Variants in CTNNBL1 observed in about 807,000 individuals in gnomAD.
The protein encoded by CTNNBL1 is beta-catenin-like protein 1.
Under a neutral mutation model 72.7 loss-of-function variants are expected in CTNNBL1, and 31 were observed. The ratio of observed to expected loss-of-function variants is 0.43; its 90% CI spans 0.32 to 0.58. The LOEUF is 0.58. Ranked by LOEUF, CTNNBL1 falls within the 20% of genes least tolerant of loss-of-function variation. The pLI is 0.08. For missense variants in CTNNBL1, 534 were observed against 725.1 expected, an observed-to-expected ratio of 0.74 and a Z score of 3.03; for synonymous variants, 240 against 267.3, an observed-to-expected ratio of 0.90 and a Z score of 1.00.
chr20:37,763,368 C>A (rs2073435493), intron 5 of CTNNBL1, among the ~76,000 whole-genome samples: 1 of 152,178 alleles, frequency 6.6e-6, no homozygotes, highest in South Asian at 2.1e-4. Flanking sequence ...CAGCACTTTC[C>A]TGTATTTACA....
intron 14 of CTNNBL1, 77 bp from the exon 15 acceptor site, chr20:37,860,195 C>A (rs2072479849): frequency 6.8e-7 from 1 of 1,476,954 alleles, no homozygotes; most frequent in Non-Finnish European, 9.5e-7. Context: ...TGAAGTATAT[C>A]ATTTCAAGGT....
intron 1 of CTNNBL1, among the ~76,000 whole-genome samples, chr20:37,701,467 A>C (rs893930628): frequency 1.3e-5 from 2 of 152,232 alleles, no homozygotes; most frequent in Non-Finnish European, 2.9e-5. Context: ...GTAAGGAGCA[A>C]GACAGACATT....
chr20:37,807,002 C>T (rs981886561), intron 11 of CTNNBL1, among the ~76,000 whole-genome samples: 1 of 152,160 alleles, frequency 6.6e-6, no homozygotes, highest in African/African-American at 2.4e-5. Context: ...TTTGGTCCCT[C>T]AGATGATATC....
In CTNNBL1 at chr20:37,759,974, A is replaced by C. The variant is rs146993773; in HGVS notation, c.564+2318A>C. Among the ~76,000 whole-genome samples, 1,212 of 152,330 alleles carry C rather than the reference A, an allele frequency of 8.0e-3. 15 individuals are homozygous for C. Among genetic ancestry groups the C allele is most frequent in the Non-Finnish European group, 8.4e-3 (573 of 68,036 alleles). On this transcript the variant is annotated intron_variant, in intron 5 of 15. Transcript: ENST00000361383. ...GAATTTATTGTGGTGTGCAGTTTGCAGTTATTGCTTTGGTCTTTTTCCCAG... is the reference window on the plus strand; with the variant it reads ...GAATTTATTGTGGTGTGCAGTTTGCCGTTATTGCTTTGGTCTTTTTCCCAG...
At chr20:37,834,044 A>G (rs775075293) in intron 11 of CTNNBL1, among the ~76,000 whole-genome samples, 8 of 152,186 alleles carry the variant, frequency 5.3e-5, no homozygotes, top group Non-Finnish European at 1.2e-4. Context: ...CCAAATAGGT[A>G]AATATCATTT....
At chr20:37,749,207 G>A (rs1313994003) in intron 4 of CTNNBL1, among the ~76,000 whole-genome samples, 1 of 152,092 alleles carries the variant, frequency 6.6e-6, no homozygotes, top group African/African-American at 2.4e-5. Context: ...TGACAGAGTC[G>A]CATGGTCACC....
At chr20:37,775,125 TTAATATA>T (rs1312693748) in intron 7 of CTNNBL1, among the ~76,000 whole-genome samples, 1 of 152,212 alleles carries the variant, frequency 6.6e-6, no homozygotes, top group Non-Finnish European at 1.5e-5. Flanking sequence ...TCCAAACCAT[TTAATATA>T]TATTTATGTC....
chr20:37,827,522 A>G (rs2072170417), intron 11 of CTNNBL1, among the ~76,000 whole-genome samples: 1 of 152,240 alleles, frequency 6.6e-6, no homozygotes, highest in East Asian at 1.9e-4. Flanking sequence ...TTCTCAAAGT[A>G]TGGACTAGAA....
chr20:37,752,287 G>C (rs1315158523), intron 4 of CTNNBL1, among the ~76,000 whole-genome samples: 2 of 152,126 alleles, frequency 1.3e-5, no homozygotes, highest in Non-Finnish European at 2.9e-5. Flanking sequence ...CTAGGATGGG[G>C]ATAAGAGTCC....
chr20:37,762,292 A>C (rs142453269), intron 5 of CTNNBL1, among the ~76,000 whole-genome samples: 1 of 152,324 alleles, frequency 6.6e-6, no homozygotes, highest in East Asian at 1.9e-4. Flanking sequence ...TGAAACTCCT[A>C]GTAGGCAGAA....
rs6020380 is a variant in CTNNBL1 at position 37,708,397 on chromosome 20, C to A, written c.30+14245C>A. Among the ~76,000 whole-genome samples the A allele has an allele frequency of 1.7e-3, 259 of 152,238 alleles. 3 individuals are homozygous for A. Among genetic ancestry groups the A allele is most frequent in the African/African-American group, 6.0e-3 (248 of 41,560 alleles). ...ATGTTGCCCAGTCTGGTCTGAAACT[C>A]TTGGGCTCAAGTGATCTGCCCACCT... On this transcript the variant is annotated intron_variant, in intron 1 of 15. Transcript: ENST00000361383.
chr20:37,804,547 G>A (rs1419277044), intron 11 of CTNNBL1, among the ~76,000 whole-genome samples: 1 of 152,162 alleles, frequency 6.6e-6, no homozygotes, highest in African/African-American at 2.4e-5. Context: ...GAGGGAAGTG[G>A]ACTAGTGAAC....
intron 13 of CTNNBL1, among the ~76,000 whole-genome samples, chr20:37,858,958 G>A (rs1482688657): frequency 2.0e-5 from 3 of 152,110 alleles, no homozygotes; most frequent in African/African-American, 7.2e-5. Context: ...GTGGAGAAAG[G>A]GGACCTTTCT....
At chr20:37,707,786 A>G (rs2072900412) in intron 1 of CTNNBL1, among the ~76,000 whole-genome samples, 1 of 152,178 alleles carries the variant, frequency 6.6e-6, no homozygotes, top group Admixed American at 6.5e-5. Context: ...TCCTTTCCTC[A>G]CTAAAGCTTA....
At chr20:37,871,464 G>A (rs1394358626) in intron 15 of CTNNBL1, among the ~76,000 whole-genome samples, 1 of 152,152 alleles carries the variant, frequency 6.6e-6, no homozygotes, top group Non-Finnish European at 1.5e-5. Context: ...AGGGGGAAGG[G>A]CAAAGGGTCT....
intron 11 of CTNNBL1, among the ~76,000 whole-genome samples, chr20:37,828,491 C>A (rs2072180062): frequency 1.3e-5 from 2 of 152,036 alleles, no homozygotes; most frequent in East Asian, 3.9e-4. Context: ...AGCTGTGAGA[C>A]CCTGGAAGGC....
At position 37,694,074 on chromosome 20, in the gene CTNNBL1, G is replaced by C; in HGVS notation, c.-49G>C. 1 of 1,590,144 alleles carries C rather than the reference G, an allele frequency of 6.3e-7. No homozygotes were observed. The highest frequency in any genetic ancestry group is 1.1e-5 in the South Asian group (1 of 88,236). Reference sequence around the variant, plus strand: ...CTGGAGCCGCGGCTGACGGGCCCGCGGTCTGGGCGTGAGTGCAGGGAAGTG... The same window carrying C: ...CTGGAGCCGCGGCTGACGGGCCCGCCGTCTGGGCGTGAGTGCAGGGAAGTG... On this transcript the variant is annotated 5_prime_UTR_variant, in exon 1 of 16. Coordinates refer to ENST00000361383, the MANE Select transcript of CTNNBL1 (RefSeq NM_030877.5).
chr20:37,831,627 A>G (rs1274795294), intron 11 of CTNNBL1, among the ~76,000 whole-genome samples: 1 of 152,076 alleles, frequency 6.6e-6, no homozygotes, highest in Non-Finnish European at 1.5e-5. Flanking sequence ...CGGCCTCCCA[A>G]AGTGCTGGGA....
intron 13 of CTNNBL1, among the ~76,000 whole-genome samples, chr20:37,849,448 G>A (rs916579564): frequency 1.3e-5 from 2 of 152,078 alleles, no homozygotes; most frequent in Non-Finnish European, 2.9e-5. Context: ...TACCACTCAC[G>A]CTTCCTGACC....
Sources: allele counts gnomAD v4.1 joint callset (sites outside exome capture counted in the v4.1 genomes callset), GRCh38; gene constraint gnomAD v4.1.1; transcripts MANE v1.5; gene names NCBI Gene and HGNC (gene_info 2026-07-23, HGNC 2026-07-21).